Variants in MTMR8 observed in about 807,000 individuals in gnomAD.
MTMR8 encodes phosphatidylinositol-3,5-bisphosphate 3-phosphatase MTMR8.
A neutral mutation model predicts 39.3 loss-of-function variants in MTMR8; 65 were observed. The observed-to-expected ratio is 1.65, with a 90% confidence interval of 1.35 to 2.03. The LOEUF (loss-of-function observed/expected upper bound fraction) is 2.03, where lower values mean the gene tolerates loss of function less well. Ranked by LOEUF, MTMR8 falls within the 30% of genes most tolerant of loss-of-function variation. The probability of loss-of-function intolerance (pLI) is 0.00; values close to 1 mark genes in which losing one functional copy is unlikely to be tolerated. For missense variants in MTMR8, 777 were observed against 538.9 expected (o/e 1.44, Z -4.37); for synonymous variants, 245 against 185.2 (o/e 1.32, Z -2.62).
At chrX:64,394,915 A>T (rs1924782327) in intron 1 of MTMR8, among the ~76,000 whole-genome samples, 1 of 112,303 alleles carries the variant, frequency 8.9e-6, no homozygotes, top group South Asian at 3.7e-4. Flanking sequence ...AGCCAAGAGG[A>T]TGGTGAAGAA....
chrX:64,373,691 C>T (rs898752316), intron 1 of MTMR8, among the ~76,000 whole-genome samples: 3 of 111,237 alleles, frequency 2.7e-5, no homozygotes, highest in African/African-American at 6.5e-5. Flanking sequence ...CCTCCCACCC[C>T]TATGGCCCAC....
intron 1 of MTMR8, among the ~76,000 whole-genome samples, chrX:64,362,278 A>G (rs937819157): frequency 1.9e-5 from 2 of 107,257 alleles, no homozygotes; most frequent in African/African-American, 6.8e-5. Flanking sequence ...AATTTCAATC[A>G]TATTTCAAAG....
intron 12 of MTMR8, among the ~76,000 whole-genome samples, chrX:64,301,672 GT>G (rs1369231208): frequency 9.0e-6 from 1 of 111,356 alleles, no homozygotes; most frequent in African/African-American, 3.3e-5. Flanking sequence ...AGAGTTTCCA[GT>G]TTTTCTGTTC....
At chrX:64,346,618 C>A (rs1012074688) in intron 6 of MTMR8, among the ~76,000 whole-genome samples, 6 of 109,867 alleles carry the variant, frequency 5.5e-5, no homozygotes, top group African/African-American at 2.0e-4. Flanking sequence ...AACTAGCTAC[C>A]TCATACCAGT....
At chrX:64,390,369 T>C (rs1293250529) in intron 1 of MTMR8, among the ~76,000 whole-genome samples, 3 of 112,481 alleles carry the variant, frequency 2.7e-5, no homozygotes, top group Admixed American at 1.9e-4. Context: ...CTATCCAGGA[T>C]AGCATTCTGT....
intron 1 of MTMR8, among the ~76,000 whole-genome samples, chrX:64,382,488 C>T (rs1185075275): frequency 9.0e-6 from 1 of 111,489 alleles, no homozygotes; most frequent in Non-Finnish European, 1.9e-5. Context: ...GCCTATCAGC[C>T]TAAGGAGATT....
intron 12 of MTMR8, among the ~76,000 whole-genome samples, chrX:64,302,691 T>G (rs1921940300): frequency 1.8e-5 from 2 of 112,586 alleles, no homozygotes; most frequent in African/African-American, 6.5e-5. Flanking sequence ...CCAATTGTTT[T>G]AAATATAGCC....
At chrX:64,308,483 C>A (rs1445120045) in intron 12 of MTMR8, among the ~76,000 whole-genome samples, 1 of 109,583 alleles carries the variant, frequency 9.1e-6, no homozygotes, top group Admixed American at 9.8e-5. Flanking sequence ...GGGCATAATA[C>A]TTTTTATGAT....
At chrX:64,385,840 C>A (rs1178060454) in intron 1 of MTMR8, among the ~76,000 whole-genome samples, 1 of 111,668 alleles carries the variant, frequency 9.0e-6, no homozygotes, top group Non-Finnish European at 1.9e-5. Context: ...TTGGGGACTA[C>A]AATTCAACTT....
At chrX:64,296,088 G>A (rs967840499) in intron 12 of MTMR8, among the ~76,000 whole-genome samples, 2 of 111,900 alleles carry the variant, frequency 1.8e-5, no homozygotes, top group African/African-American at 3.2e-5. Flanking sequence ...TAAACAAAAT[G>A]TGCTATATCC....
intron 12 of MTMR8, among the ~76,000 whole-genome samples, chrX:64,312,250 A>G (rs1362850504): frequency 2.7e-5 from 3 of 111,301 alleles, no homozygotes; most frequent in Non-Finnish European, 3.8e-5. Flanking sequence ...TAGGTATTTT[A>G]TTCTCTTTGT....
chrX:64,379,491 A>G (rs1257614474), intron 1 of MTMR8, among the ~76,000 whole-genome samples: 3 of 111,672 alleles, frequency 2.7e-5, no homozygotes, highest in Non-Finnish European at 5.6e-5. Context: ...GACAACCAAA[A>G]TCAAGGTGTC....
At chrX:64,364,972 C>T (rs1923905941) in intron 1 of MTMR8, among the ~76,000 whole-genome samples, 1 of 111,377 alleles carries the variant, frequency 9.0e-6, no homozygotes, top group Non-Finnish European at 1.9e-5. Context: ...CATGCACAAG[C>T]TTCAATAGCC....
At position 64,390,569 on chromosome X, in the gene MTMR8, C is replaced by A. The variant is rs778593819; in HGVS notation, c.24+4771G>T. On this transcript the variant is annotated intron_variant, in intron 1 of 13. Transcript: ENST00000374852. ...GTTTTCACATCTGTGAAATGAGAGG[C>A]TTGGACCATCACTAGATGATCTTTA... Among the ~76,000 whole-genome samples the A allele has an allele frequency of 2.7e-5, 3 of 112,142 alleles. No individual in the cohort carries two copies. In the South Asian group the frequency reaches 1.1e-3, roughly 42 times the overall value.
chrX:64,283,972 G>A (rs1292818181), intron 12 of MTMR8, among the ~76,000 whole-genome samples: 1 of 112,505 alleles, frequency 8.9e-6, no homozygotes, highest in African/African-American at 3.2e-5. Flanking sequence ...AAGCTGGATG[G>A]AGAAGGACTT....
In MTMR8 at chrX:64,314,142, G is replaced by A. The variant is rs138653353; in HGVS notation, c.1481+14630C>T. On this transcript the variant is annotated intron_variant, in intron 12 of 13. Transcript: ENST00000374852. ...TTTGGCTCCTTGAAATTATGAACCTGCTGTGCTAGAAGGGCCGAGGTGCTC... is the reference window on the plus strand; with the variant it reads ...TTTGGCTCCTTGAAATTATGAACCTACTGTGCTAGAAGGGCCGAGGTGCTC... Among the ~76,000 whole-genome samples, 101 of 112,579 alleles carry A rather than the reference G, an allele frequency of 9.0e-4. 1 individual carries two copies. The East Asian group carries it at 0.027, about 30-fold the overall frequency.
chrX:64,367,210 A>C (rs1003823514), intron 1 of MTMR8, among the ~76,000 whole-genome samples: 4 of 112,083 alleles, frequency 3.6e-5, no homozygotes, highest in African/African-American at 1.3e-4. Flanking sequence ...TCCTTTCTGA[A>C]ACTATTCAAA....
intron 12 of MTMR8, among the ~76,000 whole-genome samples, chrX:64,299,476 C>G (rs1921758229): frequency 9.6e-6 from 1 of 104,420 alleles, no homozygotes; most frequent in Admixed American, 1.0e-4. Context: ...CTCTTTTTTT[C>G]TTTATTAGTC....
rs1211474672 is a variant in MTMR8 at position 64,345,148 on chromosome X, C to T, written c.762G>A (p.Gly254=). The T allele has an allele frequency of 5.8e-6, 7 of 1,209,683 alleles. No individual in the cohort carries two copies. Among genetic ancestry groups the T allele is most frequent in the Middle Eastern group, 2.3e-4 (1 of 4,373 alleles). ...KLNAMANRAA[G]KGYENEDNYA... is the part of the protein sequence containing the mutation. ...AGTTGTCTTCATTTTCATACCCCTT[C>T]CCAGCTGCTCGGTTGGCCATGGCAT... is the stretch of plus-strand genomic sequence containing the variant. The change falls in exon 7 of 14, where the codon GGG becomes GGA. Residue 254 remains glycine, a synonymous_variant. Transcript: ENST00000374852.
Sources: allele counts gnomAD v4.1 joint callset (sites outside exome capture counted in the v4.1 genomes callset), GRCh38; gene constraint gnomAD v4.1.1; transcripts MANE v1.5; gene names NCBI Gene and HGNC (gene_info 2026-07-23, HGNC 2026-07-21).